The following CHMP4C variants were observed in gnomAD, a reference collection of about 807,000 sequenced individuals.
CHMP4C encodes charged multivesicular body protein 4C, also known as SNF7 homolog associated with Alix 3.
Under a neutral mutation model 29.0 loss-of-function variants are expected in CHMP4C, and 28 were observed. The ratio of observed to expected loss-of-function variants is 0.97; its 90% CI spans 0.72 to 1.32. CHMP4C has a LOEUF of 1.32. CHMP4C is among the 40% of genes most tolerant of loss of function. The pLI is 0.00. For synonymous variants in CHMP4C, 106 were observed against 102.4 expected, an observed-to-expected ratio of 1.04 and a Z score of -0.21; for missense variants, 291 against 281.0, an observed-to-expected ratio of 1.04 and a Z score of -0.25.
rs1809001510 is a variant in CHMP4C, at chr8:81,758,590, A to C, written c.*46A>C. ...CCTAAATTAATGAGCTATAGATAAAATATAAAAAATGTTTTTACCAAGTTC... is the reference window on the plus strand; with the variant it reads ...CCTAAATTAATGAGCTATAGATAAACTATAAAAAATGTTTTTACCAAGTTC... On this transcript the variant is annotated 3_prime_UTR_variant, in exon 5 of 5. Transcript: ENST00000297265. 1 of 1,258,156 alleles carries C rather than the reference A, an allele frequency of 7.9e-7. No individual in the cohort carries two copies. The highest frequency in any genetic ancestry group is 1.5e-5 in the African/African-American group (1 of 67,104). 77.9% of individuals were successfully genotyped at this position (1,258,156 alleles called of 1,614,324 possible). A position where few individuals can be genotyped will look rare whatever the true frequency, so the allele number is the denominator to read the frequency against.
At chr8:81,743,915 A>T (rs1043989956) in intron 1 of CHMP4C, among the ~76,000 whole-genome samples, 12 of 152,150 alleles carry the variant, frequency 7.9e-5, no homozygotes, top group Admixed American at 7.2e-4. Flanking sequence ...CCTCTTTTAT[A>T]CTTTATAGTA....
At chr8:81,747,969 C>A (rs58383131) in intron 1 of CHMP4C, among the ~76,000 whole-genome samples, 18,174 of 152,042 alleles carry the variant, frequency 0.12, 1,127 homozygotes, top group East Asian at 0.24. Flanking sequence ...AGCCTGGGAG[C>A]GCTATGGGAG....
At position 81,758,404 on chromosome 8, in the gene CHMP4C, T is replaced by C. The variant is rs1033754675; in HGVS notation, c.638-76T>C. On this transcript the variant is annotated intron_variant, in intron 4 of 4. Transcript: ENST00000297265. ...ATTTCAAACTGAACACATTTTTATATGTAATTCATACCTGTTTTCTATGCT... is the reference window on the plus strand; with the variant it reads ...ATTTCAAACTGAACACATTTTTATACGTAATTCATACCTGTTTTCTATGCT... The C allele has an allele frequency of 2.3e-5, 36 of 1,540,252 alleles. No homozygotes were observed. In the Admixed American group the frequency reaches 4.1e-4, roughly 18 times the overall value.
intron 1 of CHMP4C, 159 bp downstream of exon 1, chr8:81,732,975 G>A: frequency 1.6e-6 from 1 of 612,434 alleles, no homozygotes; most frequent in Non-Finnish European, 2.8e-6. Context: ...ACTAGGGTGA[G>A]TTGAGCTAGA....
At chr8:81,752,078 C>T (rs1351375991) in intron 1 of CHMP4C, among the ~76,000 whole-genome samples, 1 of 151,922 alleles carries the variant, frequency 6.6e-6, no homozygotes, top group Non-Finnish European at 1.5e-5. Flanking sequence ...ATGAATCAAT[C>T]AAATTTGTTG....
At chr8:81,739,423 G>GGGGGC (rs1554592470) in intron 1 of CHMP4C, among the ~76,000 whole-genome samples, 2 of 142,816 alleles carry the variant, frequency 1.4e-5, no homozygotes, top group East Asian at 4.5e-4. Flanking sequence ...GATTGTGGGG[G>GGGGGC]GGGGTGGAAA....
At chr8:81,752,918 T>A (rs958598593) in intron 1 of CHMP4C, 146 bp from the exon 2 acceptor site, 8 of 530,060 alleles carry the variant, frequency 1.5e-5, no homozygotes, top group African/African-American at 1.4e-4. Context: ...GAGGACAATA[T>A]GAGTTGTTTA....
chr8:81,736,290 G>A (rs548623679), intron 1 of CHMP4C, among the ~76,000 whole-genome samples: 75 of 150,950 alleles, frequency 5.0e-4, no homozygotes, highest in Non-Finnish European at 9.7e-4. Context: ...TGAGTAGCTA[G>A]CACCACAGGC....
intron 1 of CHMP4C, among the ~76,000 whole-genome samples, chr8:81,747,553 G>T (rs2130486931): frequency 6.6e-6 from 1 of 152,214 alleles, no homozygotes; most frequent in African/African-American, 2.4e-5. Flanking sequence ...TTGAAATGTA[G>T]AAATGTTTTG....
At chr8:81,746,703 G>A (rs568343474) in intron 1 of CHMP4C, among the ~76,000 whole-genome samples, 11 of 152,310 alleles carry the variant, frequency 7.2e-5, no homozygotes, top group African/African-American at 2.6e-4. Context: ...GATCCCAAAT[G>A]TTGGTGAATT....
At chr8:81,758,014 A>G (rs1259304668) in intron 3 of CHMP4C, 128 bp from the exon 4 acceptor site, 6 of 845,638 alleles carry the variant, frequency 7.1e-6, no homozygotes, top group Non-Finnish European at 1.1e-5. Context: ...ACTTAGTTTT[A>G]AAATAAATAT....
chr8:81,754,181 C>T (rs979903040), intron 2 of CHMP4C, among the ~76,000 whole-genome samples: 6 of 152,076 alleles, frequency 3.9e-5, no homozygotes, highest in African/African-American at 1.4e-4. Context: ...TCCATTTTGA[C>T]AGCTTCAGGT....
chr8:81,745,682 G>A (rs976121884), intron 1 of CHMP4C, among the ~76,000 whole-genome samples: 5 of 152,226 alleles, frequency 3.3e-5, no homozygotes, highest in African/African-American at 4.8e-5. Flanking sequence ...GACTCTTCAC[G>A]TATCCTGCTA....
chr8:81,753,861 T>G (rs947117407), intron 2 of CHMP4C, among the ~76,000 whole-genome samples: 3 of 152,112 alleles, frequency 2.0e-5, no homozygotes, highest in Non-Finnish European at 2.9e-5. Context: ...ACCTCGTGGT[T>G]ATTGTGAGAT....
intron 4 of CHMP4C, 84 bp downstream of exon 4, chr8:81,758,379 A>G: frequency 6.4e-7 from 1 of 1,573,872 alleles, no homozygotes; most frequent in South Asian, 1.1e-5. Flanking sequence ...CATGTTTTTG[A>G]TTTCAAACTG....
rs73694778 is a variant in CHMP4C, at chr8:81,751,186, G to A, written c.191-1878G>A. Among the ~76,000 whole-genome samples, 1,322 of 152,112 alleles carry A rather than the reference G, an allele frequency of 8.7e-3. 26 individuals carry two copies. The highest frequency in any genetic ancestry group is 0.029 in the African/African-American group (1,207 of 41,502). ...CACCTTTTCTGGAAAATATAATACT[G>A]TAAAGTTTTACTCCAGTAAAATAAA... On this transcript the variant is annotated intron_variant, in intron 1 of 4. Coordinates refer to ENST00000297265, the MANE Select transcript of CHMP4C (RefSeq NM_152284.4).
At chr8:81,745,191 C>T (rs547839276) in intron 1 of CHMP4C, among the ~76,000 whole-genome samples, 2 of 152,296 alleles carry the variant, frequency 1.3e-5, no homozygotes, top group South Asian at 4.1e-4. Flanking sequence ...GACCACGAGC[C>T]TTCCCAGTTA....
At chr8:81,748,755 A>G (rs1360058109) in intron 1 of CHMP4C, among the ~76,000 whole-genome samples, 2 of 151,884 alleles carry the variant, frequency 1.3e-5, no homozygotes, top group African/African-American at 4.8e-5. Flanking sequence ...GTGAAACCCT[A>G]TCTCTAATAA....
chr8:81,758,092 C>T, intron 3 of CHMP4C, 50 bp from the exon 4 acceptor site: 1 of 1,567,500 alleles, frequency 6.4e-7, no homozygotes, highest in Non-Finnish European at 8.7e-7. Flanking sequence ...TTGAGGAAAC[C>T]CATGTCTTGA....
Sources: allele counts gnomAD v4.1 joint callset (sites outside exome capture counted in the v4.1 genomes callset), GRCh38; gene constraint gnomAD v4.1.1; transcripts MANE v1.5; gene names NCBI Gene and HGNC (gene_info 2026-07-23, HGNC 2026-07-21).